VPS13D: variants seen among roughly 807,000 people sequenced by gnomAD.
The protein encoded by VPS13D is vacuolar protein sorting 13 homolog D, also known as intermembrane lipid transfer protein VPS13D.
VPS13D carries 187 observed loss-of-function variants against 461.9 expected under a neutral mutation model. The observed-to-expected ratio is 0.40, with a 90% CI of 0.36 to 0.46. The LOEUF (loss-of-function observed/expected upper bound fraction) is 0.46. Ranked by LOEUF, VPS13D falls within the 20% of genes least tolerant of loss-of-function variation. The pLI, the probability that VPS13D is intolerant of heterozygous loss-of-function variation, is 0.60. For synonymous variants in VPS13D, 1,951 were observed against 1,986.3 expected (o/e 0.98, Z 0.47); for missense variants, 4,711 against 5,364.9 (o/e 0.88, Z 3.81).
chr1:12,500,290 C>T (rs1270386604), intron 68 of VPS13D: 3 of 910,638 alleles, frequency 3.3e-6, no homozygotes, highest in Non-Finnish European at 3.9e-6. Flanking sequence ...TGATAAGTTG[C>T]ACAATTGTCA....
At position 12,283,190 on chromosome 1, in the gene VPS13D, G is replaced by A. The variant is rs947209955; in HGVS notation, c.5088G>A (p.Lys1696=). Residue 1696 remains lysine (K), a synonymous_variant, in exon 21 of 70, where the codon AAG becomes AAA. Coordinates refer to ENST00000620676, the MANE Select transcript of VPS13D (RefSeq NM_015378.4). ...TGATGGTGTCTCGAGGAGCCCCTAA[G>A]CCATCTAGTTTAGCACAAAAAGAAT... is the stretch of plus-strand genomic sequence containing the variant. ...KNLMVSRGAP[K]PSSLAQKEYL... 6 of 1,614,030 alleles carry A rather than the reference G, an allele frequency of 3.7e-6. No homozygotes were observed. The African/African-American group carries it at 8.0e-5, about 22-fold the overall frequency.
At chr1:12,470,947 T>C (rs990951762) in intron 67 of VPS13D, among the ~76,000 whole-genome samples, 2 of 152,224 alleles carry the variant, frequency 1.3e-5, no homozygotes, top group African/African-American at 2.4e-5. Context: ...CCTTTGATTT[T>C]TTAGTTTTTT....
At chr1:12,382,955 C>G (rs1644302202) in intron 57 of VPS13D, 21 bp from the exon 58 acceptor site, 1 of 1,605,544 alleles carries the variant, frequency 6.2e-7, no homozygotes, top group Non-Finnish European at 8.5e-7. Context: ...TCTCACATGT[C>G]TCTACTCCAA....
chr1:12,388,912 C>T (rs1644386109), intron 60 of VPS13D, among the ~76,000 whole-genome samples: 1 of 152,154 alleles, frequency 6.6e-6, no homozygotes, highest in South Asian at 2.1e-4. Context: ...AGATTAACAT[C>T]AGACGGAATA....
intron 21 of VPS13D, among the ~76,000 whole-genome samples, chr1:12,285,929 CTTCCTTTCCT>C (rs57335089): frequency 0.058 from 6,059 of 103,896 alleles, 632 homozygotes; most frequent in East Asian, 0.22. Context: ...GAATTTCTTT[CTTCCTTTCCT>C]TTCCTTTCCT....
At chr1:12,481,808 A>T (rs556832516) in intron 67 of VPS13D, among the ~76,000 whole-genome samples, 32 of 152,318 alleles carry the variant, frequency 2.1e-4, no homozygotes, top group African/African-American at 6.5e-4. Context: ...GGAGCCTCAA[A>T]ACCAGTTCCA....
chr1:12,298,201 A>G (rs1052381209), intron 24 of VPS13D, among the ~76,000 whole-genome samples: 2 of 152,194 alleles, frequency 1.3e-5, no homozygotes, highest in Admixed American at 6.5e-5. Context: ...AAACGGAGGC[A>G]CAGAGACTTT....
intron 67 of VPS13D, among the ~76,000 whole-genome samples, chr1:12,487,559 C>T (rs1364973753): frequency 7.4e-5 from 11 of 149,202 alleles, no homozygotes; most frequent in African/African-American, 2.7e-4. Flanking sequence ...TGCAGTGAGC[C>T]GAGATCACAC....
In VPS13D at chr1:12,386,958, A is replaced by G. The variant is rs187743277; in HGVS notation, c.11634+624A>G. The stretch of plus-strand genomic sequence containing the variant: ...AGAGTCTAGAGAGACCAAGGTATCT[A>G]TAGTTATAGGATGGTACACTTGGGC... On this transcript the variant is annotated intron_variant, in intron 60 of 69. Coordinates refer to ENST00000620676, the MANE Select transcript of VPS13D (RefSeq NM_015378.4). 5.9e-5 allele frequency among the ~76,000 whole-genome samples: 9 copies of G among 152,314 alleles called. No individual in the cohort carries two copies. The East Asian group carries it at 7.7e-4, about 13-fold the overall frequency.
At chr1:12,376,682 T>C (rs139852384) in intron 55 of VPS13D, among the ~76,000 whole-genome samples, 2 of 152,346 alleles carry the variant, frequency 1.3e-5, no homozygotes, top group South Asian at 4.1e-4. Flanking sequence ...GTTTTTACCT[T>C]GTAGAATGTG....
intron 1 of VPS13D, among the ~76,000 whole-genome samples, chr1:12,230,341 C>A (rs896895562): frequency 2.6e-5 from 4 of 152,156 alleles, no homozygotes; most frequent in African/African-American, 9.7e-5. Context: ...AAGCCCGCCA[C>A]CTCCGGGGAC....
Position 12,304,690 on chromosome 1 carries a change from A to G in VPS13D, c.6401A>G (p.Gln2134Arg). ...PSTSTKQQGP[Q>R]PTLSVGQESS... ...ACCTCCACCAAGCAGCAAGGGCCGC[A>G]ACCCACACTGTCTGTTGGCCAAGAG... The change falls in exon 26 of 70, where the codon CAA (glutamine) becomes CGA (arginine). Residue 2134 changes from glutamine to arginine, a missense_variant. Transcript: ENST00000620676. 6.2e-7 allele frequency: 1 copy of G among 1,614,026 alleles called. No individual in the cohort carries two copies. Among genetic ancestry groups the G allele is most frequent in the Non-Finnish European group, 8.5e-7 (1 of 1,180,032 alleles).
intron 58 of VPS13D, 63 bp downstream of exon 58, chr1:12,383,218 C>A: frequency 6.8e-7 from 1 of 1,473,884 alleles, no homozygotes; most frequent in South Asian, 1.3e-5. Context: ...AATGATTACT[C>A]ATTTAACAAA....
chr1:12,285,170 C>CAG (rs1197834981), intron 21 of VPS13D, among the ~76,000 whole-genome samples: 5 of 152,132 alleles, frequency 3.3e-5, no homozygotes, highest in Non-Finnish European at 7.4e-5. Context: ...AGATACATCA[C>CAG]AGAGAAACAG....
At chr1:12,323,671 T>C (rs1278923658) in intron 34 of VPS13D, 35 bp from the exon 35 acceptor site, 1 of 1,589,006 alleles carries the variant, frequency 6.3e-7, no homozygotes, top group South Asian at 1.1e-5. Context: ...TTACATAAAA[T>C]TATTTATGAA....
chr1:12,335,053 T>C (rs1337688112), intron 38 of VPS13D, among the ~76,000 whole-genome samples: 1 of 152,214 alleles, frequency 6.6e-6, no homozygotes, highest in Admixed American at 6.5e-5. Context: ...GCTATCCCCA[T>C]TGTAATTCTC....
chr1:12,295,667 A>C (rs1250009362), intron 24 of VPS13D, among the ~76,000 whole-genome samples: 4 of 152,208 alleles, frequency 2.6e-5, no homozygotes, highest in Non-Finnish European at 5.9e-5. Flanking sequence ...CTCAAAAAAA[A>C]TTTAGCGTTT....
Position 12,283,515 on chromosome 1 carries a change from C to T in VPS13D, c.5413C>T (p.Arg1805Ter), listed in dbSNP as rs1204204466. Residue 1805 changes from arginine to a stop codon, truncating the protein, a stop_gained, in exon 21 of 70, where the codon CGA becomes TGA. Transcript: ENST00000620676. LOFTEE classifies it high-confidence loss of function. ...TCCAGAATTCTCTTCCAGTTACAATCGAGTTAACCGGAGCATTGATGTTGA... is the reference window on the plus strand; with the variant it reads ...TCCAGAATTCTCTTCCAGTTACAATTGAGTTAACCGGAGCATTGATGTTGA... ...KHPEFSSSYN[R>*]VNRSIDVDFN... 2.5e-6 allele frequency: 4 copies of T among 1,614,196 alleles called. No homozygotes were observed. Among genetic ancestry groups the T allele is most frequent in the South Asian group, 1.1e-5 (1 of 91,082 alleles).
At chr1:12,319,250 T>C (rs1477747576) in intron 31 of VPS13D, among the ~76,000 whole-genome samples, 1 of 152,202 alleles carries the variant, frequency 6.6e-6, no homozygotes. Flanking sequence ...AGAAATATTC[T>C]AAAGAGAGAA....
Sources: allele counts gnomAD v4.1 joint callset (sites outside exome capture counted in the v4.1 genomes callset), GRCh38; gene constraint gnomAD v4.1.1; transcripts MANE v1.5; gene names NCBI Gene and HGNC (gene_info 2026-07-23, HGNC 2026-07-21).